The following CHL1 variants were observed in gnomAD, a reference collection of about 807,000 sequenced individuals.
CHL1 encodes the protein cell adhesion molecule L1 like.
CHL1 carries 96 observed loss-of-function variants against 141.9 expected under a neutral mutation model. That is an observed-to-expected ratio of 0.68 (90% CI 0.57 to 0.80). The LOEUF is 0.80. CHL1 is among the 30% of genes least tolerant of loss of function. The probability of loss-of-function intolerance (pLI) is 0.00; values close to 1 mark genes in which losing one functional copy is unlikely to be tolerated. For missense variants in CHL1, 1,820 were observed against 1,457.2 expected, an observed-to-expected ratio of 1.25 and a Z score of -4.05; for synonymous variants, 613 against 502.2, an observed-to-expected ratio of 1.22 and a Z score of -2.95.
chr3:393,819 T>C (rs991556390), intron 23 of CHL1, among the ~76,000 whole-genome samples: 4 of 152,176 alleles, frequency 2.6e-5, no homozygotes, highest in African/African-American at 7.2e-5. Context: ...AATGTTTGAA[T>C]GCCTAGTTTG....
rs1252121541 is a variant in CHL1 at position 344,685 on chromosome 3, T to C, written c.824T>C (p.Leu275Pro). The C allele has an allele frequency of 6.2e-7, 1 of 1,613,912 alleles. No individual in the cohort carries two copies. Among genetic ancestry groups the C allele is most frequent in the Non-Finnish European group, 8.5e-7 (1 of 1,179,868 alleles). Residue 275 changes from leucine (L) to proline (P), a missense_variant, in exon 9 of 28, where the codon CTG becomes CCG. Transcript: ENST00000256509. ...ACCATCCTCAAAGGGGAAATCTTGCTGCTTGAGTGTTTTGCTGAAGGCTTG... is the reference window on the plus strand; with the variant it reads ...ACCATCCTCAAAGGGGAAATCTTGCCGCTTGAGTGTTTTGCTGAAGGCTTG... ...SITILKGEIL[L>P]LECFAEGLPT...
Position 356,149 on chromosome 3 carries a change from T to C in CHL1, c.1165+1378T>C, listed in dbSNP as rs1021130823. Among the ~76,000 whole-genome samples, 4 of 152,158 alleles carry C rather than the reference T, an allele frequency of 2.6e-5. No individual in the cohort carries two copies. In the East Asian group the frequency reaches 7.7e-4, roughly 29 times the overall value. ...TTTGGGATTTTTCTCTTCATCTCTT[T>C]AGGGAACAGAATAAAAAATGAAAAA... On this transcript the variant is annotated intron_variant, in intron 11 of 27. Coordinates refer to ENST00000256509, the MANE Select transcript of CHL1 (RefSeq NM_006614.4).
chr3:250,819 A>C (rs192335040), intron 2 of CHL1, among the ~76,000 whole-genome samples: 2 of 152,272 alleles, frequency 1.3e-5, no homozygotes, highest in African/African-American at 2.4e-5. Flanking sequence ...GTGAAAAGGA[A>C]GGTAATCCTC....
At chr3:349,290 C>T in intron 9 of CHL1, 69 bp from the exon 10 acceptor site, 1 of 1,349,984 alleles carries the variant, frequency 7.4e-7, no homozygotes, top group East Asian at 2.5e-5. Context: ...AGGATGTGTC[C>T]TAAGGTTTTC....
intron 5 of CHL1, among the ~76,000 whole-genome samples, chr3:330,425 T>G (rs1230855149): frequency 6.6e-6 from 1 of 152,044 alleles, no homozygotes; most frequent in Non-Finnish European, 1.5e-5. Flanking sequence ...GGTAACATAA[T>G]TTTAGGATAA....
chr3:242,380 A>G (rs1401257666), intron 1 of CHL1, among the ~76,000 whole-genome samples: 11 of 142,948 alleles, frequency 7.7e-5, no homozygotes, highest in South Asian at 2.4e-4. Flanking sequence ...GCAGATCACG[A>G]GGTCAGGAGA....
intron 1 of CHL1, among the ~76,000 whole-genome samples, chr3:223,464 G>A (rs763923104): frequency 2.1e-4 from 32 of 152,288 alleles, no homozygotes; most frequent in South Asian, 1.0e-3. Flanking sequence ...AACTGCAACT[G>A]TGTAAGGAAT....
chr3:359,271 C>A (rs1041955407), intron 11 of CHL1, among the ~76,000 whole-genome samples: 1 of 151,872 alleles, frequency 6.6e-6, no homozygotes, highest in East Asian at 1.9e-4. Flanking sequence ...TTAAATGCAT[C>A]AGAAATGTTA....
intron 1 of CHL1, among the ~76,000 whole-genome samples, chr3:239,289 AAC>A (rs1559318826): frequency 6.6e-6 from 1 of 152,206 alleles, no homozygotes; most frequent in African/African-American, 2.4e-5. Flanking sequence ...CATTCTGCAA[AAC>A]AGATACTATT....
rs79087398 is a variant in CHL1, at chr3:372,771, G to T, written c.1752-5047G>T. Among the ~76,000 whole-genome samples, 434 of 150,870 alleles carry T rather than the reference G, an allele frequency of 2.9e-3. 1 individual carries two copies. The highest frequency in any genetic ancestry group is 4.8e-3 in the Non-Finnish European group (327 of 67,794). On this transcript the variant is annotated intron_variant, in intron 15 of 27. Transcript: ENST00000256509. ...TTGAGGCTGCTGACACTTGGATGGG[G>T]TTTTTTGTGGGAGATTTTGTTGTTG...
chr3:391,125 A>C lies in CHL1; in HGVS notation c.2757A>C (p.Glu919Asp). The C allele has an allele frequency of 6.2e-7, 1 of 1,613,742 alleles. No individual in the cohort carries two copies. The highest frequency in any genetic ancestry group is 1.1e-5 in the South Asian group (1 of 91,070). Residue 919 changes from glutamate (E) to aspartate (D), a missense_variant, in exon 22 of 28, where the codon GAA (glutamate) becomes GAC (aspartate). Physicochemically the swap from Glu to Asp is conservative, Grantham distance 45. Transcript: ENST00000256509. ...ATAACTCTAAAGGAGCTGGTCCTGA[A>C]AGTGAGCCTTATATATTTCAAACAC... is the stretch of plus-strand genomic sequence containing the variant. ...LAYNSKGAGPESEPYIFQTPE... is the reference protein window; with the variant it reads ...LAYNSKGAGPDSEPYIFQTPE...
intron 14 of CHL1, among the ~76,000 whole-genome samples, chr3:364,634 A>T (rs1410454604): frequency 1.3e-5 from 2 of 152,092 alleles, no homozygotes; most frequent in African/African-American, 4.8e-5. Flanking sequence ...AGGATTAAGG[A>T]CACTTTTTTT....
chr3:327,259 T>C (rs936802184), intron 4 of CHL1, among the ~76,000 whole-genome samples: 2 of 151,976 alleles, frequency 1.3e-5, no homozygotes, highest in South Asian at 2.1e-4. Context: ...TCCTGAAATA[T>C]ACCCAAATTT....
rs184009716 is a variant in CHL1, at chr3:354,831, A to G, written c.1165+60A>G. On this transcript the variant is annotated intron_variant, in intron 11 of 27. Transcript: ENST00000256509. ...AGGCCCTGGTTTGACGGGATTAATG[A>G]TGGTCAGACGTGTGTAAAATGAAGT... The G allele has an allele frequency of 6.8e-5, 109 of 1,595,772 alleles. 1 individual carries two copies. In the East Asian group the frequency reaches 2.4e-3, roughly 36 times the overall value.
intron 19 of CHL1, among the ~76,000 whole-genome samples, 191 bp from the exon 20 acceptor site, chr3:389,061 T>C (rs1488377198): frequency 2.0e-5 from 3 of 152,240 alleles, no homozygotes; most frequent in African/African-American, 7.2e-5. Context: ...AAGGGATTAA[T>C]TTTCATACTT....
At chr3:208,707 G>C (rs1207161616) in intron 1 of CHL1, among the ~76,000 whole-genome samples, 1 of 152,172 alleles carries the variant, frequency 6.6e-6, no homozygotes, top group Non-Finnish European at 1.5e-5. Flanking sequence ...CCTGCGTGAG[G>C]GTGGGGTTCA....
chr3:323,714 C>G (rs558078654), intron 3 of CHL1, among the ~76,000 whole-genome samples: 22 of 152,068 alleles, frequency 1.4e-4, no homozygotes, highest in African/African-American at 5.3e-4. Flanking sequence ...AATCCATCTG[C>G]CTTCTCAAGA....
chr3:348,460 A>G (rs908549412), intron 9 of CHL1, among the ~76,000 whole-genome samples: 1 of 152,136 alleles, frequency 6.6e-6, no homozygotes, highest in Non-Finnish European at 1.5e-5. Context: ...TTTAGAACCA[A>G]CCCTTTATGC....
chr3:306,511 T>C (rs9828939), intron 2 of CHL1, among the ~76,000 whole-genome samples: 4,091 of 152,288 alleles, frequency 0.027, 192 homozygotes, highest in African/African-American at 0.093. Context: ...TGGTTTGCTT[T>C]ATTATATTCC....
Sources: allele counts gnomAD v4.1 joint callset (sites outside exome capture counted in the v4.1 genomes callset), GRCh38; gene constraint gnomAD v4.1.1; transcripts MANE v1.5; gene names NCBI Gene and HGNC (gene_info 2026-07-23, HGNC 2026-07-21).